The following TMEM54 variants were observed in gnomAD, a reference collection of about 807,000 sequenced individuals.
The protein encoded by TMEM54 is transmembrane protein 54.
In TMEM54, 21 loss-of-function variants were observed where a neutral mutation model predicts 21.3. The observed-to-expected ratio is 0.99, with a 90% CI of 0.70 to 1.42. The LOEUF (loss-of-function observed/expected upper bound fraction) is 1.42. Among genes scored for constraint, TMEM54 ranks in the 40% most tolerant of loss-of-function variants. The pLI is 0.00. For synonymous variants in TMEM54, 109 were observed against 125.0 expected (o/e 0.87, Z 0.86); for missense variants, 246 against 294.0 (o/e 0.84, Z 1.19).
intron 1 of TMEM54, among the ~76,000 whole-genome samples, chr1:32,900,079 C>T (rs1488214609): frequency 6.6e-6 from 1 of 152,186 alleles, no homozygotes; most frequent in Non-Finnish European, 1.5e-5. Flanking sequence ...ACCTCACCCC[C>T]TCCACCCACC....
In TMEM54 at chr1:32,898,170, G is replaced by T; in HGVS notation, c.166C>A (p.Gln56Lys). 1 of 1,611,586 alleles carries T rather than the reference G, an allele frequency of 6.2e-7. No homozygotes were observed. The highest frequency in any genetic ancestry group is 1.1e-5 in the South Asian group (1 of 91,028). Residue 56 changes from glutamine to lysine, a missense_variant, in exon 2 of 6, where the codon CAG becomes AAG. By Grantham distance (53) the Gln-to-Lys change is moderately conservative. Transcript: ENST00000373463. ...VGTPQDAVALQYCVVNILSVT... is the reference protein window; with the variant it reads ...VGTPQDAVALKYCVVNILSVT... ...GAGAGGATGTTGACCACGCAGTACT[G>T]CAGAGCCACCGCATCTTGAGGGGTG... is the stretch of plus-strand genomic sequence containing the variant.
At position 32,901,273 on chromosome 1, in the gene TMEM54, C is replaced by A; in HGVS notation, c.-35G>T. 2 of 1,378,766 alleles carry A rather than the reference C, an allele frequency of 1.5e-6. No individual in the cohort carries two copies. The highest frequency in any genetic ancestry group is 1.8e-5 in the South Asian group (1 of 56,700). 85.4% of individuals were successfully genotyped at this position (1,378,766 alleles called of 1,614,324 possible). ...GCGCTGGTCCCGCCCCCGGCTTCAG[C>A]GCGGCTCCCGAGGCTGCGGGCCGCC... On this transcript the variant is annotated 5_prime_UTR_variant, in exon 1 of 6. Coordinates refer to ENST00000373463, the MANE Select transcript of TMEM54 (RefSeq NM_033504.4). The surrounding 1 kb of genome is among the most constrained non-coding windows in gnomAD (Gnocchi z 4.2).
At chr1:32,898,625 C>T (rs1431314887) in intron 1 of TMEM54, among the ~76,000 whole-genome samples, 2 of 152,130 alleles carry the variant, frequency 1.3e-5, no homozygotes, top group African/African-American at 2.4e-5. Context: ...CTCTAGACTT[C>T]GAGATCCTCC....
In TMEM54 at chr1:32,894,782, G is replaced by A. The variant is rs1338261657; in HGVS notation, c.*23C>T. 4 of 1,601,566 alleles carry A rather than the reference G, an allele frequency of 2.5e-6. No homozygotes were observed. Among genetic ancestry groups the A allele is most frequent in the Non-Finnish European group, 2.6e-6 (3 of 1,169,702 alleles). ...TGCTTGCAGGGTCCTAGTGGCCATCGGGCCTGGGCAGGACATCATCTCTCA... is the reference window on the plus strand; with the variant it reads ...TGCTTGCAGGGTCCTAGTGGCCATCAGGCCTGGGCAGGACATCATCTCTCA... On this transcript the variant is annotated 3_prime_UTR_variant, in exon 6 of 6. Coordinates refer to ENST00000373463, the MANE Select transcript of TMEM54 (RefSeq NM_033504.4).
intron 1 of TMEM54, among the ~76,000 whole-genome samples, chr1:32,900,864 A>C (rs1233482523): frequency 1.3e-5 from 2 of 152,174 alleles, no homozygotes; most frequent in Non-Finnish European, 2.9e-5. Context: ...GGGGAAGCTG[A>C]GGCCTGGCCC....
rs1053542 is a variant in TMEM54, at chr1:32,894,633, C to T, written c.*172G>A. On this transcript the variant is annotated 3_prime_UTR_variant, in exon 6 of 6. Coordinates refer to ENST00000373463, the MANE Select transcript of TMEM54 (RefSeq NM_033504.4). ...CTTTTTAATAATTTCAGAATAAAGT[C>T]TCATTTCAGTGCAGTGGGCTGGGTG... is the stretch of plus-strand genomic sequence containing the variant. 30,431 of 760,198 alleles carry T rather than the reference C, an allele frequency of 0.04. 964 individuals are homozygous for T. Among genetic ancestry groups the T allele is most frequent in the Admixed American group, 0.15 (5,123 of 35,324 alleles). 47.1% of individuals were successfully genotyped at this position (760,198 alleles called of 1,614,324 possible). A position where few individuals can be genotyped will look rare whatever the true frequency, so the allele number is the denominator to read the frequency against.
Position 32,895,918 on chromosome 1 carries a change from T to A in TMEM54, c.262A>T (p.Thr88Ser), listed in dbSNP as rs535493185. ...AIVLSRYLPSTPLRWTVFSSS... is the reference protein window; with the variant it reads ...AIVLSRYLPSSPLRWTVFSSS... ...CAGGAGGCACCACGTACCAGGGGGGTGCTAGGGAGGTAGCGTGACAACACG... is the reference window on the plus strand; with the variant it reads ...CAGGAGGCACCACGTACCAGGGGGGAGCTAGGGAGGTAGCGTGACAACACG... Residue 88 changes from threonine (T) to serine (S), a missense_variant, in exon 3 of 6, where the codon ACC becomes TCC. Transcript: ENST00000373463. The surrounding 1 kb of genome is among the most constrained non-coding windows in gnomAD (Gnocchi z 5.8). 2 of 1,612,684 alleles carry A rather than the reference T, an allele frequency of 1.2e-6. No homozygotes were observed. The highest frequency in any genetic ancestry group is 1.7e-6 in the Non-Finnish European group (2 of 1,179,474).
intron 1 of TMEM54, among the ~76,000 whole-genome samples, chr1:32,900,550 G>A (rs1641701989): frequency 6.6e-6 from 1 of 152,204 alleles, no homozygotes; most frequent in Non-Finnish European, 1.5e-5. Context: ...GCATAGCAGC[G>A]CAGCCGGCAA....
In TMEM54 at chr1:32,901,181, T is replaced by A; in HGVS notation, c.16+42A>T. On this transcript the variant is annotated intron_variant, in intron 1 of 5. Transcript: ENST00000373463. The surrounding 1 kb of genome is among the most constrained non-coding windows in gnomAD (Gnocchi z 4.2). ...TCAGTGCTCCGCTCCTGTGGGAGGG[T>A]TGGGGTGGTTCGGGGCCTCCCGCGC... 6.8e-7 allele frequency: 1 copy of A among 1,473,150 alleles called. No homozygotes were observed. The allele number at this position is 1,473,150 out of a possible 1,614,324, so 91.3% of individuals were successfully genotyped here.
At chr1:32,894,969 C>A in intron 5 of TMEM54, 90 bp from the exon 6 acceptor site, 1 of 1,539,604 alleles carries the variant, frequency 6.5e-7, no homozygotes, top group East Asian at 2.4e-5. Context: ...GAGGTGAGGG[C>A]TGGAAGGCTC....
Position 32,895,372 on chromosome 1 carries a change from C to A in TMEM54, c.527G>T (p.Arg176Leu), listed in dbSNP as rs747846335. 2 of 1,613,956 alleles carry A rather than the reference C, an allele frequency of 1.2e-6. No homozygotes were observed. Among genetic ancestry groups the A allele is most frequent in the East Asian group, 2.2e-5 (1 of 44,888 alleles). ...LCVAENVFAV[R>L]CAQLTHQLLE... is the part of the protein sequence containing the mutation. Reference sequence around the variant, plus strand: ...CAGCTGGTGGGTGAGCTGAGCACAGCGTACAGCAAACACGTTCTCCGCCAC... The same window carrying A: ...CAGCTGGTGGGTGAGCTGAGCACAGAGTACAGCAAACACGTTCTCCGCCAC... The change falls in exon 5 of 6, where the codon CGC becomes CTC. Residue 176 changes from arginine (R) to leucine (L), a missense_variant. Arg to Leu is a moderately radical substitution (Grantham distance 102). Coordinates refer to ENST00000373463, the MANE Select transcript of TMEM54 (RefSeq NM_033504.4). This position sits in a 1 kb window ranked among gnomAD's most constrained non-coding sequence, Gnocchi z 5.8.
At chr1:32,899,348 T>C (rs899444620) in intron 1 of TMEM54, among the ~76,000 whole-genome samples, 3 of 146,316 alleles carry the variant, frequency 2.1e-5, no homozygotes, top group Non-Finnish European at 3.0e-5. Flanking sequence ...TCATCTGTGG[T>C]AGAGCGGTTT....
At position 32,894,763 on chromosome 1, in the gene TMEM54, C is replaced by T. The variant is rs752957232; in HGVS notation, c.*42G>A. On this transcript the variant is annotated 3_prime_UTR_variant, in exon 6 of 6. Transcript: ENST00000373463. ...CCTGGTCACAGAGCAGAGTTGCTTG[C>T]AGGGTCCTAGTGGCCATCGGGCCTG... The T allele has an allele frequency of 3.8e-6, 6 of 1,588,170 alleles. No individual in the cohort carries two copies. In the African/African-American group the frequency reaches 4.0e-5, roughly 11 times the overall value.
rs763460747 is a variant in TMEM54 at position 32,895,393 on chromosome 1, G to A, written c.506C>T (p.Ala169Val). 10 of 1,614,006 alleles carry A rather than the reference G, an allele frequency of 6.2e-6. No homozygotes were observed. In the East Asian group the frequency reaches 1.6e-4, roughly 25 times the overall value. ...ACAGCGTACAGCAAACACGTTCTCC[G>A]CCACGCAGAGCACTAGGGCGATGCC... Reference protein sequence around the residue: ...LWGIALVLCVAENVFAVRCAQ... With the variant: ...LWGIALVLCVVENVFAVRCAQ... Residue 169 changes from alanine (A) to valine (V), a missense_variant, in exon 5 of 6, where the codon GCG (alanine) becomes GTG (valine). Coordinates refer to ENST00000373463, the MANE Select transcript of TMEM54 (RefSeq NM_033504.4). The surrounding 1 kb of genome is among the most constrained non-coding windows in gnomAD (Gnocchi z 5.8).
intron 1 of TMEM54, among the ~76,000 whole-genome samples, chr1:32,900,538 G>C (rs1423254598): frequency 6.6e-6 from 1 of 152,208 alleles, no homozygotes; most frequent in African/African-American, 2.4e-5. Context: ...CACTGTGGGA[G>C]CGCATAGCAG....
chr1:32,896,700 A>G lies in TMEM54; in HGVS notation c.211-731T>C, dbSNP rs768769629. ...CTGGATCTTTGGGGTCCACCCAGCCAGCCTTCCTCCTGATGTTCCTCACTG... is the reference window on the plus strand; with the variant it reads ...CTGGATCTTTGGGGTCCACCCAGCCGGCCTTCCTCCTGATGTTCCTCACTG... On this transcript the variant is annotated intron_variant, in intron 2 of 5. Coordinates refer to ENST00000373463, the MANE Select transcript of TMEM54 (RefSeq NM_033504.4). This position sits in a 1 kb window ranked among gnomAD's most constrained non-coding sequence, Gnocchi z 4.1. 3.9e-4 allele frequency among the ~76,000 whole-genome samples: 59 copies of G among 152,262 alleles called. No homozygotes were observed. The highest frequency in any genetic ancestry group is 7.1e-4 in the Non-Finnish European group (48 of 68,042).
Position 32,895,013 on chromosome 1 carries a change from C to T in TMEM54, c.595-134G>A. On this transcript the variant is annotated intron_variant, in intron 5 of 5. Coordinates refer to ENST00000373463, the MANE Select transcript of TMEM54 (RefSeq NM_033504.4). This position sits in a 1 kb window ranked among gnomAD's most constrained non-coding sequence, Gnocchi z 5.8. ...CAAAGGGGCATCACTACCCACTCCA[C>T]TGCAAGAGCCAGGCCTGACCTTTGC... is the stretch of plus-strand genomic sequence containing the variant. 1 of 1,468,118 alleles carries T rather than the reference C, an allele frequency of 6.8e-7. No homozygotes were observed. Among genetic ancestry groups the T allele is most frequent in the Non-Finnish European group, 9.1e-7 (1 of 1,100,688 alleles). The allele number at this position is 1,468,118 out of a possible 1,614,324, so 90.9% of individuals were successfully genotyped here.
At chr1:32,898,402 A>G in intron 1 of TMEM54, 83 bp from the exon 2 acceptor site, 1 of 1,331,086 alleles carries the variant, frequency 7.5e-7, no homozygotes. Flanking sequence ...GGCCCTAGTG[A>G]TGGACATTGG....
Position 32,897,866 on chromosome 1 carries a change from C to T in TMEM54, c.210+260G>A, listed in dbSNP as rs1272551963. The T allele has an allele frequency of 1.2e-5, 5 of 403,862 alleles. No individual in the cohort carries two copies. Among genetic ancestry groups the T allele is most frequent in the Non-Finnish European group, 1.8e-5 (4 of 222,344 alleles). The allele number at this position is 403,862 out of a possible 1,614,324, so 25.0% of individuals were successfully genotyped here. A position where few individuals can be genotyped will look rare whatever the true frequency, so the allele number is the denominator to read the frequency against. On this transcript the variant is annotated intron_variant, in intron 2 of 5. Transcript: ENST00000373463. This position sits in a 1 kb window ranked among gnomAD's most constrained non-coding sequence, Gnocchi z 4.9. ...CACAGTAGTGGGTGCTAACAACATG[C>T]CATGCCAGACACTCTGCTAAGCACT...
Sources: allele counts gnomAD v4.1 joint callset (sites outside exome capture counted in the v4.1 genomes callset), GRCh38; gene constraint gnomAD v4.1.1; non-coding constraint Gnocchi (gnomAD v3.1); transcripts MANE v1.5; gene names NCBI Gene and HGNC (gene_info 2026-07-23, HGNC 2026-07-21).